The following LEKR1 variants were observed in gnomAD, a reference collection of about 807,000 sequenced individuals.
LEKR1 encodes protein LEKR1.
Under a neutral mutation model 72.4 loss-of-function variants are expected in LEKR1, and 59 were observed. The observed-to-expected ratio is 0.82, with a 90% CI of 0.66 to 1.01. The LOEUF (loss-of-function observed/expected upper bound fraction) is 1.01, where lower values mean the gene tolerates loss of function less well. Ranked by LOEUF, LEKR1 falls within the 50% of genes least tolerant of loss-of-function variation. The probability of loss-of-function intolerance (pLI) is 0.00; values close to 1 mark genes in which losing one functional copy is unlikely to be tolerated. For missense variants in LEKR1, 728 were observed against 759.2 expected (o/e 0.96, Z 0.48); for synonymous variants, 257 against 263.2 (o/e 0.98, Z 0.23).
intron 9 of LEKR1, among the ~76,000 whole-genome samples, chr3:156,998,352 C>T (rs949299743): frequency 6.6e-6 from 1 of 152,152 alleles, no homozygotes; most frequent in Non-Finnish European, 1.5e-5. Flanking sequence ...TGTGTTTAAG[C>T]TTGAAGACTG....
At chr3:156,982,590 A>G (rs16826962) in intron 7 of LEKR1, among the ~76,000 whole-genome samples, 2,951 of 152,304 alleles carry the variant, frequency 0.019, 91 homozygotes, top group African/African-American at 0.067. Flanking sequence ...ATGGGCAGGA[A>G]ATAAGCTGTA....
intron 10 of LEKR1, among the ~76,000 whole-genome samples, chr3:157,022,531 G>A (rs1322589572): frequency 6.6e-6 from 1 of 152,130 alleles, no homozygotes; most frequent in Non-Finnish European, 1.5e-5. Context: ...GAGGGTAAAG[G>A]AGAGAGGTAT....
chr3:156,829,444 T>C (rs559273216), intron 2 of LEKR1, 67 bp downstream of exon 2: 20 of 1,117,402 alleles, frequency 1.8e-5, no homozygotes, highest in Admixed American at 4.7e-5. Flanking sequence ...TTCTAAAACC[T>C]AGAGGAGTGA....
chr3:157,003,669 A>T (rs1472124923), intron 9 of LEKR1, among the ~76,000 whole-genome samples: 1 of 152,136 alleles, frequency 6.6e-6, no homozygotes, highest in Non-Finnish European at 1.5e-5. Context: ...TCACCTCAAG[A>T]TCCTTAACTT....
chr3:156,899,407 TAC>T (rs1721611588), intron 3 of LEKR1, among the ~76,000 whole-genome samples: 1 of 83,282 alleles, frequency 1.2e-5, no homozygotes, highest in African/African-American at 5.1e-5. Flanking sequence ...TATACATATA[TAC>T]ATATATACAC....
At chr3:157,004,427 CA>C in intron 9 of LEKR1, among the ~76,000 whole-genome samples, 1 of 152,140 alleles carries the variant, frequency 6.6e-6, no homozygotes, top group East Asian at 1.9e-4. Context: ...AGTAATAGGA[CA>C]ATCAGTAGGC....
chr3:156,867,505 T>C (rs576842957), intron 3 of LEKR1, among the ~76,000 whole-genome samples: 2 of 152,130 alleles, frequency 1.3e-5, no homozygotes, highest in Admixed American at 1.3e-4. Context: ...TTTGTACATG[T>C]TTTTCCCCCT....
intron 2 of LEKR1, among the ~76,000 whole-genome samples, chr3:156,835,458 C>T (rs959426364): frequency 4.6e-5 from 7 of 152,316 alleles, no homozygotes; most frequent in Admixed American, 6.5e-5. Flanking sequence ...TCCGTTTTTA[C>T]GCCTAATCCT....
chr3:157,039,540 G>A (rs1735202001), intron 12 of LEKR1, among the ~76,000 whole-genome samples: 1 of 152,142 alleles, frequency 6.6e-6, no homozygotes. Context: ...GACTGCTTGA[G>A]CCTCGGGGGT....
At chr3:156,851,403 A>G (rs1715344469) in intron 2 of LEKR1, among the ~76,000 whole-genome samples, 1 of 152,216 alleles carries the variant, frequency 6.6e-6, no homozygotes, top group Non-Finnish European at 1.5e-5. Context: ...AAGATGGAAC[A>G]GAATGCTTTA....
intron 3 of LEKR1, among the ~76,000 whole-genome samples, chr3:156,899,253 C>CAT (rs71141734): frequency 7.5e-5 from 10 of 133,392 alleles, no homozygotes; most frequent in Non-Finnish European, 1.1e-4. Context: ...CATATATATA[C>CAT]ATATATATAT....
At chr3:156,936,301 A>G (rs1356055112) in intron 5 of LEKR1, among the ~76,000 whole-genome samples, 4 of 152,152 alleles carry the variant, frequency 2.6e-5, no homozygotes, top group East Asian at 3.9e-4. Context: ...GCTGGCTTCA[A>G]TTCTTAATAC....
At chr3:156,973,411 A>G (rs1729414452) in intron 6 of LEKR1, among the ~76,000 whole-genome samples, 1 of 152,134 alleles carries the variant, frequency 6.6e-6, no homozygotes, top group African/African-American at 2.4e-5. Context: ...ATGAAACTAG[A>G]TGAAATTATC....
At chr3:156,991,001 A>G (rs1006534901) in intron 7 of LEKR1, among the ~76,000 whole-genome samples, 7 of 152,188 alleles carry the variant, frequency 4.6e-5, no homozygotes, top group Non-Finnish European at 1.0e-4. Flanking sequence ...AAAGATGTGC[A>G]GTGTATTATA....
intron 3 of LEKR1, among the ~76,000 whole-genome samples, chr3:156,892,266 A>G (rs908136915): frequency 9.2e-5 from 14 of 152,192 alleles, no homozygotes; most frequent in Non-Finnish European, 1.0e-4. Flanking sequence ...TTATATATCA[A>G]TGAGAGCATC....
intron 7 of LEKR1, among the ~76,000 whole-genome samples, chr3:156,991,953 G>T (rs1317907038): frequency 6.6e-6 from 1 of 152,156 alleles, no homozygotes; most frequent in African/African-American, 2.4e-5. Flanking sequence ...AAATATTGTT[G>T]TCGTTGTTAT....
At chr3:156,849,723 G>A (rs1163435549) in intron 2 of LEKR1, among the ~76,000 whole-genome samples, 2 of 152,174 alleles carry the variant, frequency 1.3e-5, no homozygotes, top group African/African-American at 4.8e-5. Context: ...AGCTGAAACT[G>A]GATCCCTTCC....
intron 3 of LEKR1, among the ~76,000 whole-genome samples, chr3:156,898,930 T>C (rs756722893): frequency 1.3e-5 from 2 of 152,134 alleles, no homozygotes; most frequent in South Asian, 2.1e-4. Flanking sequence ...TGAAAAAACA[T>C]CTATAAAACA....
chr3:156,988,467 T>C (rs1374177463), intron 7 of LEKR1: 1 of 196,194 alleles, frequency 5.1e-6, no homozygotes, highest in Non-Finnish European at 1.1e-5. Context: ...GCTTCTCCCT[T>C]ACCCACGAAA....
Sources: allele counts gnomAD v4.1 joint callset (sites outside exome capture counted in the v4.1 genomes callset), GRCh38; gene constraint gnomAD v4.1.1; transcripts MANE v1.5; gene names NCBI Gene and HGNC (gene_info 2026-07-23, HGNC 2026-07-21).